Variants in SMYD3 observed in about 807,000 individuals in gnomAD.
SMYD3 encodes SET and MYND domain containing 3, also known as histone-lysine N-methyltransferase SMYD3.
In SMYD3, 36 loss-of-function variants were observed where a neutral mutation model predicts 57.7. The ratio of observed to expected loss-of-function variants is 0.62; its 90% CI spans 0.48 to 0.82. The LOEUF (loss-of-function observed/expected upper bound fraction) is 0.82. Among genes scored for constraint, SMYD3 ranks in the 40% least tolerant of loss-of-function variants. The pLI, the probability that SMYD3 is intolerant of heterozygous loss-of-function variation, is 0.00. For synonymous variants in SMYD3, 211 were observed against 195.0 expected (o/e 1.08, Z -0.68); for missense variants, 515 against 538.8 (o/e 0.96, Z 0.44).
At chr1:246,393,270 T>C (rs1007867247) in intron 1 of SMYD3, among the ~76,000 whole-genome samples, 1 of 152,214 alleles carries the variant, frequency 6.6e-6, no homozygotes, top group African/African-American at 2.4e-5. Flanking sequence ...TGAAGTTCTT[T>C]TTTTAAAAAA....
At chr1:246,125,089 C>A (rs67071789) in intron 5 of SMYD3, among the ~76,000 whole-genome samples, 225 of 115,778 alleles carry the variant, frequency 1.9e-3, no homozygotes, top group Non-Finnish European at 3.2e-3. Flanking sequence ...AAAAAAAAAA[C>A]ACACACACAC....
intron 5 of SMYD3, among the ~76,000 whole-genome samples, chr1:246,022,740 G>GAA (rs1261636671): frequency 6.6e-6 from 1 of 152,196 alleles, no homozygotes; most frequent in Non-Finnish European, 1.5e-5. Context: ...GATACACATG[G>GAA]AAAGTATTCT....
At chr1:246,060,302 G>A (rs1477257916) in intron 5 of SMYD3, among the ~76,000 whole-genome samples, 1 of 150,300 alleles carries the variant, frequency 6.7e-6, no homozygotes, top group Non-Finnish European at 1.5e-5. Context: ...TAAAAATAAA[G>A]GTTGCGTTTT....
At chr1:246,435,964 C>T (rs764329244) in intron 1 of SMYD3, among the ~76,000 whole-genome samples, 2 of 152,106 alleles carry the variant, frequency 1.3e-5, no homozygotes, top group African/African-American at 2.4e-5. Flanking sequence ...CTTTGTATCA[C>T]GGGTTCCAGC....
intron 10 of SMYD3, among the ~76,000 whole-genome samples, chr1:245,823,572 T>G (rs1257915782): frequency 6.6e-6 from 1 of 152,220 alleles, no homozygotes; most frequent in Non-Finnish European, 1.5e-5. Context: ...AATTCAGCCA[T>G]ATGGACAATA....
chr1:246,099,951 G>A (rs115710002), intron 5 of SMYD3, among the ~76,000 whole-genome samples: 2,226 of 152,258 alleles, frequency 0.015, 35 homozygotes, highest in Middle Eastern at 0.037. Context: ...AACTGGAGTG[G>A]GCGATTTAAA....
At chr1:246,046,659 TA>T (rs890342682) in intron 5 of SMYD3, among the ~76,000 whole-genome samples, 46 of 147,470 alleles carry the variant, frequency 3.1e-4, no homozygotes, top group South Asian at 1.1e-3. Flanking sequence ...ATATTTTATA[TA>T]TTTTTTTAAT....
At chr1:245,755,130 C>T (rs1345641189) in intron 11 of SMYD3, among the ~76,000 whole-genome samples, 2 of 152,160 alleles carry the variant, frequency 1.3e-5, no homozygotes, top group Non-Finnish European at 2.9e-5. Flanking sequence ...AATATAAATT[C>T]TAAGGGCAAC....
intron 5 of SMYD3, among the ~76,000 whole-genome samples, chr1:246,219,383 G>A (rs544413873): frequency 9.9e-5 from 15 of 152,186 alleles, no homozygotes; most frequent in African/African-American, 3.4e-4. Flanking sequence ...AGAAGAATCT[G>A]GCCAGAGATG....
At chr1:246,443,336 A>G (rs1304004731) in intron 1 of SMYD3, among the ~76,000 whole-genome samples, 2 of 152,242 alleles carry the variant, frequency 1.3e-5, no homozygotes, top group African/African-American at 2.4e-5. Flanking sequence ...ATGGTTGGAC[A>G]TTACTATAAA....
intron 5 of SMYD3, among the ~76,000 whole-genome samples, chr1:246,200,284 A>G (rs2062896323): frequency 6.6e-6 from 1 of 152,124 alleles, no homozygotes; most frequent in Non-Finnish European, 1.5e-5. Context: ...CTGAGCGAGA[A>G]TGTACACAGA....
intron 5 of SMYD3, among the ~76,000 whole-genome samples, chr1:246,033,688 G>T (rs1178510244): frequency 6.6e-6 from 1 of 152,182 alleles, no homozygotes; most frequent in Admixed American, 6.5e-5. Context: ...TCGTGAGGCT[G>T]AGGCACGAGA....
chr1:246,030,505 C>A (rs781259873), intron 5 of SMYD3, among the ~76,000 whole-genome samples: 1 of 152,062 alleles, frequency 6.6e-6, no homozygotes, highest in Non-Finnish European at 1.5e-5. Context: ...CAGCATTGTA[C>A]GCTGAATATG....
intron 11 of SMYD3, among the ~76,000 whole-genome samples, chr1:245,757,870 T>A (rs1423785179): frequency 6.6e-6 from 1 of 152,092 alleles, no homozygotes; most frequent in Non-Finnish European, 1.5e-5. Flanking sequence ...TTCTCCATAT[T>A]TCTTCTTCTT....
intron 5 of SMYD3, among the ~76,000 whole-genome samples, chr1:246,063,768 T>G (rs577785179): frequency 6.6e-6 from 1 of 151,938 alleles, no homozygotes; most frequent in African/African-American, 2.4e-5. Flanking sequence ...GCCTCCCGAG[T>G]AGCTGGGATT....
chr1:245,863,776 T>A, intron 9 of SMYD3, 23 bp downstream of exon 9: 1 of 1,607,474 alleles, frequency 6.2e-7, no homozygotes, highest in Non-Finnish European at 8.5e-7. Flanking sequence ...ACAGTCCACC[T>A]CAATCCACAG....
At chr1:246,494,093 C>T (rs1317324648) in intron 1 of SMYD3, among the ~76,000 whole-genome samples, 3 of 152,212 alleles carry the variant, frequency 2.0e-5, no homozygotes, top group Non-Finnish European at 1.5e-5. Flanking sequence ...AGGACTCCTA[C>T]ACAAATCTTC....
At chr1:246,183,760 C>A (rs1299294575) in intron 5 of SMYD3, among the ~76,000 whole-genome samples, 2 of 152,136 alleles carry the variant, frequency 1.3e-5, no homozygotes, top group East Asian at 1.9e-4. Flanking sequence ...CAGGACATTA[C>A]AGATGAGAAA....
chr1:246,155,477 C>T (rs990362464), intron 5 of SMYD3, among the ~76,000 whole-genome samples: 1 of 152,194 alleles, frequency 6.6e-6, no homozygotes, highest in Admixed American at 6.5e-5. Flanking sequence ...ACCAGTGCTG[C>T]TCTATAATAA....
Sources: allele counts gnomAD v4.1 joint callset (sites outside exome capture counted in the v4.1 genomes callset), GRCh38; gene constraint gnomAD v4.1.1; transcripts MANE v1.5; gene names NCBI Gene and HGNC (gene_info 2026-07-23, HGNC 2026-07-21).